The following WFS1 variants were observed in gnomAD, a reference collection of about 807,000 sequenced individuals.
WFS1 encodes the protein wolframin ER transmembrane glycoprotein, also known as wolframin.
WFS1 carries 90 observed loss-of-function variants against 68.5 expected under a neutral mutation model. The ratio of observed to expected loss-of-function variants is 1.31; its 90% CI spans 1.11 to 1.56. WFS1 has a LOEUF of 1.56. WFS1 is among the 40% of genes most tolerant of loss of function. WFS1 has a pLI of 0.00. For missense variants in WFS1, 1,767 were observed against 1,232.6 expected, an observed-to-expected ratio of 1.43 and a Z score of -6.49; for synonymous variants, 860 against 540.7, an observed-to-expected ratio of 1.59 and a Z score of -8.19.
chr4:6,301,974 A>T lies in WFS1; in HGVS notation c.2179A>T (p.Ile727Phe), dbSNP rs1173026674. The T allele has an allele frequency of 1.2e-6, 2 of 1,612,674 alleles. No homozygotes were observed. The highest frequency in any genetic ancestry group is 8.5e-7 in the Non-Finnish European group (1 of 1,179,954). Reference sequence around the variant, plus strand: ...TGCCATCAACATGCTCCCGTTCTTCATCGGCGACTGGATGCGCTGCCTCTA... The same window carrying T: ...TGCCATCAACATGCTCCCGTTCTTCTTCGGCGACTGGATGCGCTGCCTCTA... ...ESAINMLPFF[I>F]GDWMRCLYGE... The change falls in exon 8 of 8, where the codon ATC becomes TTC. Residue 727 changes from isoleucine (I) to phenylalanine (F), a missense_variant. Coordinates refer to ENST00000226760, the MANE Select transcript of WFS1 (RefSeq NM_006005.3).
intron 2 of WFS1, among the ~76,000 whole-genome samples, chr4:6,281,266 C>T (rs1367010801): frequency 2.0e-5 from 3 of 152,112 alleles, no homozygotes; most frequent in Admixed American, 1.3e-4. Context: ...GTGGGGAAAG[C>T]AGGCACCCCA....
rs1448755507 is a variant in WFS1, at chr4:6,291,388, C to T, written c.631+21C>T. 8 of 1,609,922 alleles carry T rather than the reference C, an allele frequency of 5.0e-6. No homozygotes were observed. In the African/African-American group the frequency reaches 1.1e-4, roughly 21 times the overall value. Reference sequence around the variant, plus strand: ...GCACGGTGCGAGGATTCACCCTGGGCACCAGCCTTCCCTGGGCGCCAGCCT... The same window carrying T: ...GCACGGTGCGAGGATTCACCCTGGGTACCAGCCTTCCCTGGGCGCCAGCCT... On this transcript the variant is annotated intron_variant, in intron 5 of 7. Coordinates refer to ENST00000226760, the MANE Select transcript of WFS1 (RefSeq NM_006005.3).
rs1311723870 is a variant in WFS1, at chr4:6,283,647, A to G, written c.233-3446A>G. On this transcript the variant is annotated intron_variant, in intron 2 of 7. Coordinates refer to ENST00000226760, the MANE Select transcript of WFS1 (RefSeq NM_006005.3). The surrounding 1 kb of genome is among the most constrained non-coding windows in gnomAD (Gnocchi z 5.0). ...GCCCATTTCCCAGCAGTTCTAGCACAAACTCCGCTGGGCTGTGTCCATCCC... is the reference window on the plus strand; with the variant it reads ...GCCCATTTCCCAGCAGTTCTAGCACGAACTCCGCTGGGCTGTGTCCATCCC... Among the ~76,000 whole-genome samples the G allele has an allele frequency of 6.6e-6, 1 of 152,244 alleles. No homozygotes were observed. Among genetic ancestry groups the G allele is most frequent in the African/African-American group, 2.4e-5 (1 of 41,462 alleles).
At position 6,300,819 on chromosome 4, in the gene WFS1, G is replaced by T. The variant is rs148028521; in HGVS notation, c.1024G>T (p.Ala342Ser). The change falls in exon 8 of 8, where the codon GCC becomes TCC. Residue 342 changes from alanine (A) to serine (S), a missense_variant. Physicochemically the swap from Ala to Ser is moderately conservative, Grantham distance 99 (BLOSUM62 1). Transcript: ENST00000226760. ...CAGCAACCTCACCATCGACTTCTTC[G>T]CCTTCTTCATCCCGCTGGTCATCTT... ...IVSNLTIDFF[A>S]FFIPLVIFYL... The T allele has an allele frequency of 6.2e-7, 1 of 1,613,824 alleles. No homozygotes were observed. The highest frequency in any genetic ancestry group is 8.5e-7 in the Non-Finnish European group (1 of 1,179,882).
In WFS1 at chr4:6,291,910, C is replaced by T; in HGVS notation, c.632-7C>T. 1 of 1,608,488 alleles carries T rather than the reference C, an allele frequency of 6.2e-7. No individual in the cohort carries two copies. The highest frequency in any genetic ancestry group is 8.5e-7 in the Non-Finnish European group (1 of 1,178,314). On this transcript the variant is annotated splice_polypyrimidine_tract_variant and splice_region_variant and intron_variant, in intron 5 of 7. Coordinates refer to ENST00000226760, the MANE Select transcript of WFS1 (RefSeq NM_006005.3). ...GTCTGACTGTTAATCCACCCTGTCCCCTGCAGATGGAGGGGCGCAGCCAGG... is the reference window on the plus strand; with the variant it reads ...GTCTGACTGTTAATCCACCCTGTCCTCTGCAGATGGAGGGGCGCAGCCAGG...
At chr4:6,274,398 C>T (rs1729931425) in intron 1 of WFS1, among the ~76,000 whole-genome samples, 1 of 151,966 alleles carries the variant, frequency 6.6e-6, no homozygotes, top group African/African-American at 2.4e-5. Flanking sequence ...CTGCCACACA[C>T]GTAATCCCCA....
rs115079855 is a variant in WFS1, at chr4:6,284,776, A to T, written c.233-2317A>T. On this transcript the variant is annotated intron_variant, in intron 2 of 7. Transcript: ENST00000226760. ...AACGATCAGATTGAAGCTGCTTCGG[A>T]GCAGTGATGTGGCCTGCACCAGGTC... is the stretch of plus-strand genomic sequence containing the variant. Among the ~76,000 whole-genome samples the T allele has an allele frequency of 9.4e-3, 1,427 of 151,262 alleles. 21 individuals are homozygous for T. Among genetic ancestry groups the T allele is most frequent in the African/African-American group, 0.033 (1,376 of 41,210 alleles).
rs1450157808 is a variant in WFS1, at chr4:6,287,311, C to T, written c.315+136C>T. The T allele has an allele frequency of 7.9e-6, 6 of 763,884 alleles. No individual in the cohort carries two copies. Among genetic ancestry groups the T allele is most frequent in the Non-Finnish European group, 1.4e-5 (6 of 443,852 alleles). The allele number at this position is 763,884 out of a possible 1,614,324, so 47.3% of individuals were successfully genotyped here. On this transcript the variant is annotated intron_variant, in intron 3 of 7. Transcript: ENST00000226760. The surrounding 1 kb of genome is among the most constrained non-coding windows in gnomAD (Gnocchi z 6.4). The stretch of plus-strand genomic sequence containing the variant: ...GGAGCCAGCGTGGTGCACCCTACCC[C>T]ACTTGAGCCCCATGTTGGTAGGGTG...
At chr4:6,280,595 A>G (rs1260695794) in intron 2 of WFS1, among the ~76,000 whole-genome samples, 2 of 152,192 alleles carry the variant, frequency 1.3e-5, no homozygotes, top group African/African-American at 4.8e-5. Context: ...TCAGATGCAC[A>G]GAGGGACAGG....
In WFS1 at chr4:6,301,728, C is replaced by A; in HGVS notation, c.1933C>A (p.Leu645Met). Residue 645 changes from leucine (L) to methionine (M), a missense_variant, in exon 8 of 8, where the codon CTG becomes ATG. Leu to Met is a conservative substitution (Grantham distance 15). Coordinates refer to ENST00000226760, the MANE Select transcript of WFS1 (RefSeq NM_006005.3). ...LILVWLTAIV[L>M]FCWFYVYRSE... Reference sequence around the variant, plus strand: ...CCTGGTGTGGCTCACGGCCATCGTGCTGTTCTGCTGGTTCTATGTGTACCG... The same window carrying A: ...CCTGGTGTGGCTCACGGCCATCGTGATGTTCTGCTGGTTCTATGTGTACCG... 4 of 1,614,008 alleles carry A rather than the reference C, an allele frequency of 2.5e-6. No individual in the cohort carries two copies. The highest frequency in any genetic ancestry group is 3.4e-6 in the Non-Finnish European group (4 of 1,180,032).
At position 6,301,013 on chromosome 4, in the gene WFS1, C is replaced by T; in HGVS notation, c.1218C>T (p.Ala406=). ...NFGWNHLEPY[A]HFLLSVFFVI... ...GCTGGAACCACCTGGAGCCCTATGC[C>T]CATTTCCTGCTCTCTGTCTTCTTCG... The change falls in exon 8 of 8, where the codon GCC becomes GCT. Residue 406 remains alanine (A), a synonymous_variant. Transcript: ENST00000226760. 1 of 1,614,036 alleles carries T rather than the reference C, an allele frequency of 6.2e-7. No homozygotes were observed. Among genetic ancestry groups the T allele is most frequent in the Non-Finnish European group, 8.5e-7 (1 of 1,180,028 alleles).
intron 2 of WFS1, among the ~76,000 whole-genome samples, chr4:6,278,820 C>T (rs58223112): frequency 1.3e-5 from 2 of 152,328 alleles, no homozygotes; most frequent in Non-Finnish European, 2.9e-5. Flanking sequence ...GGCCTCTGGG[C>T]GGATGAGGGC....
rs369185545 is a variant in WFS1 at position 6,292,005 on chromosome 4, C to T, written c.712+8C>T. On this transcript the variant is annotated splice_region_variant and intron_variant, in intron 6 of 7. Coordinates refer to ENST00000226760, the MANE Select transcript of WFS1 (RefSeq NM_006005.3). The stretch of plus-strand genomic sequence containing the variant: ...GCCTGGTCAGCAGCGAGTGTGAGTG[C>T]AGCCCCTGCCCCGTCTCACCCATGC... 3.5e-5 allele frequency: 56 copies of T among 1,601,306 alleles called. No homozygotes were observed. In the African/African-American group the frequency reaches 5.0e-4, roughly 14 times the overall value.
chr4:6,285,083 C>A (rs969696284), intron 2 of WFS1, among the ~76,000 whole-genome samples: 1 of 151,554 alleles, frequency 6.6e-6, no homozygotes, highest in Non-Finnish European at 1.5e-5. Context: ...CCCTGCGGGA[C>A]CTGATGCCAT....
intron 1 of WFS1, among the ~76,000 whole-genome samples, chr4:6,271,136 C>T (rs995228549): frequency 5.9e-5 from 9 of 152,246 alleles, no homozygotes; most frequent in Admixed American, 2.0e-4. Context: ...CCACGGGAAG[C>T]CCAGAGGCCA....
In WFS1 at chr4:6,301,631, G is replaced by T. The variant is rs775158434; in HGVS notation, c.1836G>T (p.Trp612Cys). The change falls in exon 8 of 8, where the codon TGG becomes TGT. Residue 612 changes from tryptophan to cysteine, a missense_variant. Coordinates refer to ENST00000226760, the MANE Select transcript of WFS1 (RefSeq NM_006005.3). Reference protein sequence around the residue: ...AVCSVPLLLRWWTKASFSVVG... With the variant: ...AVCSVPLLLRCWTKASFSVVG... ...GTAGTGTGCCCCTGCTGTTGCGCTG[G>T]TGGACCAAGGCCAGCTTCTCTGTGG... is the stretch of plus-strand genomic sequence containing the variant. 6.2e-7 allele frequency: 1 copy of T among 1,614,124 alleles called. No individual in the cohort carries two copies. The highest frequency in any genetic ancestry group is 1.3e-5 in the African/African-American group (1 of 75,072).
chr4:6,284,377 AAAT>A (rs1315286423), intron 2 of WFS1, among the ~76,000 whole-genome samples: 16 of 152,298 alleles, frequency 1.1e-4, no homozygotes, highest in African/African-American at 3.8e-4. Context: ...CTGTCTCAAA[AAAT>A]AATAATAAAA....
rs917416559 is a variant in WFS1, at chr4:6,287,065, A to G, written c.233-28A>G. ...AAGTGACAAAGTCTGGCTTTGTGACATGTGTGTTTGTTTCTTCTGTGTTAA... is the reference window on the plus strand; with the variant it reads ...AAGTGACAAAGTCTGGCTTTGTGACGTGTGTGTTTGTTTCTTCTGTGTTAA... On this transcript the variant is annotated intron_variant, in intron 2 of 7. Transcript: ENST00000226760. This position sits in a 1 kb window ranked among gnomAD's most constrained non-coding sequence, Gnocchi z 6.4. 3.2e-6 allele frequency: 5 copies of G among 1,546,122 alleles called. No homozygotes were observed. The Admixed American group carries it at 7.8e-5, about 24-fold the overall frequency.
chr4:6,281,482 AGAG>A (rs1214524528), intron 2 of WFS1, among the ~76,000 whole-genome samples: 2 of 152,142 alleles, frequency 1.3e-5, no homozygotes, highest in Non-Finnish European at 2.9e-5. Context: ...CGGAGCAGAG[AGAG>A]GAGTAGCCAG....
Sources: gnomAD v4.1 joint callset for allele counts (sites outside exome capture counted in the v4.1 genomes callset) on GRCh38, gnomAD v4.1.1 for gene constraint, Gnocchi (gnomAD v3.1) non-coding constraint, MANE v1.5 for transcripts, NCBI Gene and HGNC (gene_info 2026-07-23, HGNC 2026-07-21) for gene names.